COP1: variants seen among roughly 807,000 people sequenced by gnomAD.
COP1 encodes E3 ubiquitin-protein ligase COP1.
Under a neutral mutation model 101.3 loss-of-function variants are expected in COP1, and 24 were observed. That is an observed-to-expected ratio of 0.24 (90% CI 0.17 to 0.33). The LOEUF (loss-of-function observed/expected upper bound fraction) is 0.33. Ranked by LOEUF, COP1 falls within the 10% of genes least tolerant of loss-of-function variation. COP1 has a pLI of 1.00. For synonymous variants in COP1, 347 were observed against 341.9 expected (o/e 1.01, Z -0.17); for missense variants, 663 against 906.2 (o/e 0.73, Z 3.45).
intron 1 of COP1, among the ~76,000 whole-genome samples, chr1:176,196,915 G>T (rs1336512873): frequency 7.3e-6 from 1 of 137,458 alleles, no homozygotes; most frequent in Non-Finnish European, 1.6e-5. Flanking sequence ...AGAAGAAAGA[G>T]AAAGAAAGAA....
At chr1:176,141,958 TC>T in intron 6 of COP1, among the ~76,000 whole-genome samples, 1 of 152,154 alleles carries the variant, frequency 6.6e-6, no homozygotes, top group Middle Eastern at 3.4e-3. Context: ...GGTCTTGAAC[TC>T]CTGGCCCTCA....
intron 18 of COP1, among the ~76,000 whole-genome samples, chr1:175,974,137 G>A (rs991122747): frequency 1.3e-5 from 2 of 152,192 alleles, no homozygotes; most frequent in African/African-American, 4.8e-5. Context: ...AGAAGTAATG[G>A]CAGGACATAA....
chr1:176,053,002 G>A (rs942381436), intron 11 of COP1, among the ~76,000 whole-genome samples: 1 of 151,550 alleles, frequency 6.6e-6, no homozygotes, highest in Admixed American at 6.6e-5. Flanking sequence ...GTTAAACAAT[G>A]CTGGGGAAAA....
intron 10 of COP1, among the ~76,000 whole-genome samples, chr1:176,084,282 C>A (rs1679717829): frequency 6.6e-6 from 1 of 152,134 alleles, no homozygotes; most frequent in Non-Finnish European, 1.5e-5. Flanking sequence ...TTTTGGGAAT[C>A]TTAATATCCA....
chr1:175,960,420 T>A (rs1651196408), intron 18 of COP1, among the ~76,000 whole-genome samples: 1 of 152,226 alleles, frequency 6.6e-6, no homozygotes, highest in Non-Finnish European at 1.5e-5. Flanking sequence ...ATAAAGTATG[T>A]ATCTTATAAG....
intron 14 of COP1, among the ~76,000 whole-genome samples, chr1:176,037,571 C>A (rs895863502): frequency 6.6e-6 from 1 of 150,832 alleles, no homozygotes; most frequent in Non-Finnish European, 1.5e-5. Context: ...AACAAAAAAA[C>A]CTCAAGTCAA....
chr1:175,961,411 A>G (rs1558163895), intron 18 of COP1, among the ~76,000 whole-genome samples: 1 of 152,164 alleles, frequency 6.6e-6, no homozygotes, highest in South Asian at 2.1e-4. Flanking sequence ...TTCATCCATC[A>G]TTATCCGTCC....
intron 9 of COP1, among the ~76,000 whole-genome samples, chr1:176,094,449 A>G (rs1681957680): frequency 2.0e-5 from 3 of 151,952 alleles, no homozygotes. Context: ...TTGGATGCAG[A>G]TAGTCTACAA....
At chr1:176,106,185 C>A (rs1684271213) in intron 9 of COP1, among the ~76,000 whole-genome samples, 1 of 152,074 alleles carries the variant, frequency 6.6e-6, no homozygotes, top group African/African-American at 2.4e-5. Flanking sequence ...CATACATCAC[C>A]ACACCCTGCT....
chr1:175,988,184 T>C, intron 17 of COP1, 104 bp downstream of exon 17: 1 of 1,091,636 alleles, frequency 9.2e-7, no homozygotes, highest in Non-Finnish European at 1.3e-6. Flanking sequence ...ATCTTCTGAG[T>C]GCACAGACCA....
At chr1:176,086,001 T>C (rs567243665) in intron 9 of COP1, 111 bp from the exon 10 acceptor site, 45 of 524,826 alleles carry the variant, frequency 8.6e-5, no homozygotes, top group African/African-American at 7.8e-4. Flanking sequence ...AGTAAAATGA[T>C]CACAAATAGT....
chr1:175,984,706 A>G (rs1656695495), intron 18 of COP1, among the ~76,000 whole-genome samples: 1 of 152,196 alleles, frequency 6.6e-6, no homozygotes, highest in Non-Finnish European at 1.5e-5. Flanking sequence ...TGTACCCTGC[A>G]ACGCCACAGT....
At chr1:175,962,372 C>T (rs1435851624) in intron 18 of COP1, among the ~76,000 whole-genome samples, 1 of 152,056 alleles carries the variant, frequency 6.6e-6, no homozygotes, top group African/African-American at 2.4e-5. Context: ...CTGCACAAAC[C>T]TCACTAACTA....
intron 5 of COP1, among the ~76,000 whole-genome samples, chr1:176,159,915 T>G (rs74410932): frequency 0.068 from 10,307 of 152,268 alleles, 455 homozygotes; most frequent in Non-Finnish European, 0.087. Flanking sequence ...CGCCAAAATC[T>G]TCACATTTAT....
chr1:176,079,588 G>A (rs1231167213), intron 11 of COP1, among the ~76,000 whole-genome samples: 2 of 151,212 alleles, frequency 1.3e-5, no homozygotes, highest in Non-Finnish European at 2.9e-5. Flanking sequence ...TCAGTGTCGT[G>A]CAATATACCC....
intron 1 of COP1, among the ~76,000 whole-genome samples, chr1:176,185,904 T>G (rs1698386528): frequency 6.6e-6 from 1 of 152,154 alleles, no homozygotes; most frequent in African/African-American, 2.4e-5. Context: ...GAAAATACAC[T>G]CACTCCTTCA....
intron 10 of COP1, among the ~76,000 whole-genome samples, chr1:176,085,527 T>C (rs1178505091): frequency 6.6e-6 from 1 of 152,204 alleles, no homozygotes; most frequent in African/African-American, 2.4e-5. Flanking sequence ...TATTCATAGC[T>C]GAATTTCTTT....
chr1:176,086,227 C>CTTTT (rs11428035), intron 9 of COP1, among the ~76,000 whole-genome samples: 4 of 135,060 alleles, frequency 3.0e-5, no homozygotes, highest in Non-Finnish European at 3.1e-5. Flanking sequence ...GGGAATCTTT[C>CTTTT]TTTTTTTTTT....
chr1:176,084,994 T>G (rs886898844), intron 10 of COP1, among the ~76,000 whole-genome samples: 1 of 152,116 alleles, frequency 6.6e-6, no homozygotes, highest in African/African-American at 2.4e-5. Flanking sequence ...GGTTAATGTC[T>G]CTACTTCATA....
Sources: allele counts gnomAD v4.1 joint callset (sites outside exome capture counted in the v4.1 genomes callset), GRCh38; gene constraint gnomAD v4.1.1; transcripts MANE v1.5; gene names NCBI Gene and HGNC (gene_info 2026-07-23, HGNC 2026-07-21).